SHANK1: variants seen among roughly 807,000 people sequenced by gnomAD.
The protein encoded by SHANK1 is SH3 and multiple ankyrin repeat domains protein 1.
In SHANK1, 35 loss-of-function variants were observed where a neutral mutation model predicts 165.6. The observed-to-expected ratio is 0.21, with a 90% CI of 0.16 to 0.28. The LOEUF (loss-of-function observed/expected upper bound fraction) is 0.28. Among genes scored for constraint, SHANK1 ranks in the 10% least tolerant of loss-of-function variants. The pLI is 1.00. For synonymous variants in SHANK1, 1,428 were observed against 1,384.8 expected, an observed-to-expected ratio of 1.03 and a Z score of -0.69; for missense variants, 2,681 against 3,036.4, an observed-to-expected ratio of 0.88 and a Z score of 2.75.
intron 3 of SHANK1, 106 bp from the exon 4 acceptor site, chr19:50,715,836 G>C (rs1239554072): frequency 3.7e-6 from 4 of 1,083,920 alleles, no homozygotes; most frequent in Non-Finnish European, 5.7e-6. Flanking sequence ...TAATTCCCCG[G>C]GGTAGCTCAG....
chr19:50,686,259 G>T lies in SHANK1; in HGVS notation c.2555C>A (p.Pro852His). 1 of 1,604,230 alleles carries T rather than the reference G, an allele frequency of 6.2e-7. No homozygotes were observed. The highest frequency in any genetic ancestry group is 1.7e-4 in the Middle Eastern group (1 of 6,028). The change falls in exon 21 of 24, where the codon CCC becomes CAC. Residue 852 changes from proline (P) to histidine (H), a missense_variant. Physicochemically the swap from Pro to His is moderately conservative, Grantham distance 77. This residue lies in a region of SHANK1 where 206 missense variants were observed against 216.0 expected (regional missense o/e 0.95). Coordinates refer to ENST00000293441, the MANE Select transcript of SHANK1 (RefSeq NM_016148.5). This position sits in a 1 kb window ranked among gnomAD's most constrained non-coding sequence, Gnocchi z 5.7. ...GGLASLGKHR[P>H]KGFFATESSF... ...TACCTCAGTGGCAAAGAAACCTTTG[G>T]GTCGGTGTTTGCCCAGGGACGCGAG...
At position 50,670,940 on chromosome 19, in the gene SHANK1, C is replaced by T. The variant is rs1985768479; in HGVS notation, c.2674+1078G>A. 6.6e-6 allele frequency among the ~76,000 whole-genome samples: 1 copy of T among 151,800 alleles called. No homozygotes were observed. The highest frequency in any genetic ancestry group is 2.4e-5 in the African/African-American group (1 of 41,280). On this transcript the variant is annotated intron_variant, in intron 22 of 23. Transcript: ENST00000293441. This position sits in a 1 kb window ranked among gnomAD's most constrained non-coding sequence, Gnocchi z 4.1. Reference sequence around the variant, plus strand: ...TCCTGAGTAGCTGGGATTACAGGCACATGCCACCACGCTTGGCTAATTTTT... The same window carrying T: ...TCCTGAGTAGCTGGGATTACAGGCATATGCCACCACGCTTGGCTAATTTTT...
intron 9 of SHANK1, 107 bp from the exon 10 acceptor site, chr19:50,704,293 A>C: frequency 7.5e-7 from 1 of 1,332,678 alleles, no homozygotes; most frequent in Non-Finnish European, 1.1e-6. Flanking sequence ...CCACTCCGAC[A>C]ATGCCGCCCT....
chr19:50,665,329 C>T (rs553299795), intron 23 of SHANK1, among the ~76,000 whole-genome samples: 58 of 151,668 alleles, frequency 3.8e-4, no homozygotes, highest in Non-Finnish European at 7.4e-4. Flanking sequence ...TTTGGGAGAC[C>T]GAGGTGGGAT....
At chr19:50,687,338 G>A (rs1370983837) in intron 19 of SHANK1, among the ~76,000 whole-genome samples, 7 of 152,020 alleles carry the variant, frequency 4.6e-5, no homozygotes, top group Non-Finnish European at 1.0e-4. Context: ...CGCAGAGAGG[G>A]TACATACAGA....
intron 23 of SHANK1, among the ~76,000 whole-genome samples, chr19:50,664,898 G>A (rs1159081157): frequency 6.6e-6 from 1 of 152,146 alleles, no homozygotes; most frequent in African/African-American, 2.4e-5. Flanking sequence ...AGGACTACAG[G>A]TGCCCACCAC....
chr19:50,706,551 C>T (rs1360172060), intron 8 of SHANK1, among the ~76,000 whole-genome samples: 1 of 152,014 alleles, frequency 6.6e-6, no homozygotes, highest in Non-Finnish European at 1.5e-5. Flanking sequence ...AGGCTGCAGC[C>T]ACACTGGCCA....
chr19:50,671,180 C>CTTT (rs35076465), intron 22 of SHANK1, among the ~76,000 whole-genome samples: 906 of 76,716 alleles, frequency 0.012, 21 homozygotes, highest in Admixed American at 0.013. Flanking sequence ...TTTTTTCACT[C>CTTT]TTTTTTTTTT....
Position 50,662,954 on chromosome 19 carries a change from T to G in SHANK1, c.5769-272A>C. The G allele has an allele frequency of 2.0e-6, 1 of 490,052 alleles. No individual in the cohort carries two copies. Among genetic ancestry groups the G allele is most frequent in the Non-Finnish European group, 3.7e-6 (1 of 271,582 alleles). The allele number at this position is 490,052 out of a possible 1,614,324, so 30.4% of individuals were successfully genotyped here. On this transcript the variant is annotated intron_variant, in intron 23 of 23. Transcript: ENST00000293441. This position sits in a 1 kb window ranked among gnomAD's most constrained non-coding sequence, Gnocchi z 7.7. ...AAAAAGAGACATTAAGTGATAATAA[T>G]AATAATCGTCACCGCTTACTGATGC...
intron 21 of SHANK1, among the ~76,000 whole-genome samples, chr19:50,679,158 G>A (rs1599848604): frequency 6.9e-6 from 1 of 144,946 alleles, no homozygotes; most frequent in Admixed American, 6.9e-5. Context: ...AGCATTACAG[G>A]TAAGGGGTGA....
chr19:50,693,139 A>G lies in SHANK1; in HGVS notation c.1965-3860T>C, dbSNP rs1986596434. Among the ~76,000 whole-genome samples, 3 of 150,566 alleles carry G rather than the reference A, an allele frequency of 2.0e-5. No homozygotes were observed. The South Asian group carries it at 6.4e-4, about 32-fold the overall frequency. On this transcript the variant is annotated intron_variant, in intron 15 of 23. Transcript: ENST00000293441. ...CTTCACCACATGCCCTCCCGCCTGCATTTACTGGCAGCTGCGTTTCATTTA... is the reference window on the plus strand; with the variant it reads ...CTTCACCACATGCCCTCCCGCCTGCGTTTACTGGCAGCTGCGTTTCATTTA...
At chr19:50,663,010 T>G in intron 23 of SHANK1, 1 of 358,050 alleles carries the variant, frequency 2.8e-6, no homozygotes, top group Non-Finnish European at 5.2e-6. Context: ...TCTAAGTGCT[T>G]TACATGATTG....
Position 50,697,514 on chromosome 19 carries a change from G to T in SHANK1, c.1937+75C>A. 1 of 1,131,002 alleles carries T rather than the reference G, an allele frequency of 8.8e-7. No homozygotes were observed. Among genetic ancestry groups the T allele is most frequent in the Non-Finnish European group, 1.4e-6 (1 of 739,594 alleles). The allele number at this position is 1,131,002 out of a possible 1,614,324, so 70.1% of individuals were successfully genotyped here. A position where few individuals can be genotyped will look rare whatever the true frequency, so the allele number is the denominator to read the frequency against. The stretch of plus-strand genomic sequence containing the variant: ...ATTAGAAAGGGGGCTTAGAGGTGAT[G>T]GAAATATTTAAAGGTGTACATTGTG... On this transcript the variant is annotated intron_variant, in intron 14 of 23. Transcript: ENST00000293441. The surrounding 1 kb of genome is among the most constrained non-coding windows in gnomAD (Gnocchi z 4.7).
At chr19:50,695,584 A>T (rs1165487849) in intron 15 of SHANK1, among the ~76,000 whole-genome samples, 1 of 147,178 alleles carries the variant, frequency 6.8e-6, no homozygotes, top group Non-Finnish European at 1.5e-5. Context: ...GCGCGGGGAG[A>T]GGGAGGCACA....
At chr19:50,708,645 T>G (rs1007916014) in intron 8 of SHANK1, among the ~76,000 whole-genome samples, 4 of 152,230 alleles carry the variant, frequency 2.6e-5, no homozygotes, top group Non-Finnish European at 5.9e-5. Context: ...AAAATTCATT[T>G]GTTCGAGTCA....
chr19:50,665,566 CAAAAAAAAAAA>C (rs141839934), intron 23 of SHANK1, among the ~76,000 whole-genome samples: 12 of 47,632 alleles, frequency 2.5e-4, no homozygotes, highest in Non-Finnish European at 4.1e-4. Context: ...GACTCTGTCT[CAAAAAAAAAAA>C]AAAAAAAAAA....
intron 8 of SHANK1, among the ~76,000 whole-genome samples, chr19:50,709,867 A>C (rs1040392897): frequency 2.0e-5 from 3 of 152,102 alleles, no homozygotes; most frequent in African/African-American, 7.2e-5. Flanking sequence ...TCTATACCAA[A>C]ATTTCTCTGT....
Position 50,712,109 on chromosome 19 carries a change from G to A in SHANK1, c.798C>T (p.Leu266=), listed in dbSNP as rs1189833049. Residue 266 remains leucine, a synonymous_variant, in exon 7 of 24, where the codon CTC becomes CTT. Coordinates refer to ENST00000293441, the MANE Select transcript of SHANK1 (RefSeq NM_016148.5). ...CARHCLALTA[L]LDLGGSPNYK... ...AGTTGGGGGAACCCCCAAGGTCCAG[G>A]AGCGCCTAGGAACGGAGAGAGAACC... 1.3e-6 allele frequency: 2 copies of A among 1,589,888 alleles called. No homozygotes were observed. Among genetic ancestry groups the A allele is most frequent in the Admixed American group, 1.8e-5 (1 of 55,006 alleles).
chr19:50,694,121 G>A (rs1191854296), intron 15 of SHANK1, among the ~76,000 whole-genome samples: 1 of 150,090 alleles, frequency 6.7e-6, no homozygotes, highest in Non-Finnish European at 1.5e-5. Context: ...TGTCACACAG[G>A]GACACACAGA....
Sources: gnomAD v4.1 joint callset for allele counts (sites outside exome capture counted in the v4.1 genomes callset) on GRCh38, gnomAD v4.1.1 for gene constraint, gnomAD v4.1.1 regional missense constraint, Gnocchi (gnomAD v3.1) non-coding constraint, MANE v1.5 for transcripts, NCBI Gene and HGNC (gene_info 2026-07-23, HGNC 2026-07-21) for gene names.